PDE7A: variants seen among roughly 807,000 people sequenced by gnomAD.
PDE7A encodes the protein high affinity 3',5'-cyclic-AMP phosphodiesterase 7A.
In PDE7A, 39 loss-of-function variants were observed where a neutral mutation model predicts 64.3. The ratio of observed to expected loss-of-function variants is 0.61; its 90% confidence interval spans 0.47 to 0.79. The LOEUF (loss-of-function observed/expected upper bound fraction) is 0.79. PDE7A is among the 30% of genes least tolerant of loss of function. The probability of loss-of-function intolerance (pLI) is 0.00; values close to 1 mark genes in which losing one functional copy is unlikely to be tolerated. For synonymous variants in PDE7A, 203 were observed against 206.8 expected (o/e 0.98, Z 0.16); for missense variants, 470 against 582.8 (o/e 0.81, Z 1.99).
chr8:65,834,760 G>A (rs981030130), intron 1 of PDE7A, among the ~76,000 whole-genome samples: 1 of 152,176 alleles, frequency 6.6e-6, no homozygotes, highest in African/African-American at 2.4e-5. Context: ...GAGGCATGGA[G>A]CAGTGTTCCA....
intron 3 of PDE7A, among the ~76,000 whole-genome samples, chr8:65,760,566 G>A (rs1016164445): frequency 5.3e-5 from 8 of 152,132 alleles, no homozygotes; most frequent in African/African-American, 9.7e-5. Flanking sequence ...TTCCAGAACT[G>A]TCCTAGAATT....
chr8:65,820,568 T>G (rs1471763691), intron 1 of PDE7A, among the ~76,000 whole-genome samples: 1 of 152,218 alleles, frequency 6.6e-6, no homozygotes, highest in Non-Finnish European at 1.5e-5. Context: ...TAAATTACTT[T>G]GACAATTTTA....
intron 12 of PDE7A, chr8:65,721,796 CAT>C (rs1806387653): frequency 6.8e-6 from 1 of 146,478 alleles, no homozygotes; most frequent in African/African-American, 2.5e-5. Flanking sequence ...CTCTTTTGTC[CAT>C]TTTTTTTTTT....
In PDE7A at chr8:65,724,939, T is replaced by G; in HGVS notation, c.921-18A>C. The G allele has an allele frequency of 2.6e-6, 4 of 1,549,050 alleles. No individual in the cohort carries two copies. The highest frequency in any genetic ancestry group is 3.5e-6 in the Non-Finnish European group (4 of 1,138,660). On this transcript the variant is annotated intron_variant, in intron 9 of 12. Coordinates refer to ENST00000401827, the MANE Select transcript of PDE7A (RefSeq NM_001242318.3). ...TTTGTTGCCTGGAAATAGAGAAATA[T>G]AAAGAGAAAATATAAGACTTTCAAT... is the stretch of plus-strand genomic sequence containing the variant.
At chr8:65,739,468 A>C in intron 6 of PDE7A, 34 bp downstream of exon 6, 1 of 1,519,082 alleles carries the variant, frequency 6.6e-7, no homozygotes, top group South Asian at 1.3e-5. Context: ...ATAAATGTAA[A>C]TCTTGTTACT....
chr8:65,745,316 T>C (rs1223886681), intron 5 of PDE7A, 91 bp downstream of exon 5: 1 of 780,752 alleles, frequency 1.3e-6, no homozygotes, highest in Non-Finnish European at 2.3e-6. Flanking sequence ...ACAACCTTAG[T>C]ACAGTAAATG....
intron 1 of PDE7A, among the ~76,000 whole-genome samples, chr8:65,830,607 A>G (rs2128934329): frequency 6.6e-6 from 1 of 152,200 alleles, no homozygotes; most frequent in South Asian, 2.1e-4. Flanking sequence ...TTCTGACAAA[A>G]TTTTACTTTA....
intron 1 of PDE7A, among the ~76,000 whole-genome samples, chr8:65,803,245 T>C (rs75109457): frequency 0.043 from 6,611 of 152,344 alleles, 226 homozygotes; most frequent in African/African-American, 0.1. Flanking sequence ...TCTGCCTCTC[T>C]ACAGAGCAGA....
chr8:65,735,516 G>A (rs532917566), intron 6 of PDE7A, among the ~76,000 whole-genome samples: 1 of 152,192 alleles, frequency 6.6e-6, no homozygotes, highest in East Asian at 1.9e-4. Flanking sequence ...TTGCCATGTT[G>A]CCCAGGCTGG....
rs183936944 is a variant in PDE7A, at chr8:65,790,409, T to C, written c.139-7566A>G. 1.4e-3 allele frequency among the ~76,000 whole-genome samples: 220 copies of C among 152,228 alleles called. 6 individuals carry two copies. Among genetic ancestry groups the C allele is most frequent in the Admixed American group, 0.014 (217 of 15,290 alleles). On this transcript the variant is annotated intron_variant, in intron 1 of 12. Transcript: ENST00000401827. ...CAGAGGTCCCAGAGAAAGGTGAAGATGGCATGGGCTGACTGAAGAACACTC... is the reference window on the plus strand; with the variant it reads ...CAGAGGTCCCAGAGAAAGGTGAAGACGGCATGGGCTGACTGAAGAACACTC...
intron 3 of PDE7A, among the ~76,000 whole-genome samples, chr8:65,757,786 CTT>C (rs909314506): frequency 1.1e-4 from 17 of 151,942 alleles, no homozygotes; most frequent in Non-Finnish European, 2.4e-4. Flanking sequence ...GCCCGGCTAA[CTT>C]TTGCATTTTT....
intron 2 of PDE7A, chr8:65,781,052 AC>A (rs1809402020): frequency 6.6e-6 from 1 of 152,264 alleles, no homozygotes; most frequent in South Asian, 2.1e-4. Flanking sequence ...GTGTGATGAC[AC>A]AAATAATAAA....
chr8:65,837,807 A>G (rs1260420919), intron 1 of PDE7A, among the ~76,000 whole-genome samples: 1 of 152,228 alleles, frequency 6.6e-6, no homozygotes, highest in African/African-American at 2.4e-5. Context: ...ACTAGGCAGC[A>G]GAGCAGCAGC....
chr8:65,769,077 G>A (rs771257710), intron 3 of PDE7A, among the ~76,000 whole-genome samples: 40 of 151,770 alleles, frequency 2.6e-4, no homozygotes, highest in Admixed American at 4.6e-4. Context: ...GTGAAACCCC[G>A]TCTCTACTAA....
At chr8:65,775,190 T>G (rs573927427) in intron 3 of PDE7A, among the ~76,000 whole-genome samples, 2 of 152,366 alleles carry the variant, frequency 1.3e-5, no homozygotes, top group Non-Finnish European at 2.9e-5. Context: ...AATCTTTAAG[T>G]TAGCTAGCAA....
intron 3 of PDE7A, among the ~76,000 whole-genome samples, chr8:65,767,690 C>T (rs1214358130): frequency 2.6e-5 from 4 of 152,112 alleles, no homozygotes; most frequent in African/African-American, 9.7e-5. Flanking sequence ...TGGGTGCTTC[C>T]ACATAGCTTA....
At chr8:65,794,144 C>T (rs2128926667) in intron 1 of PDE7A, among the ~76,000 whole-genome samples, 1 of 152,292 alleles carries the variant, frequency 6.6e-6, no homozygotes, top group East Asian at 1.9e-4. Context: ...AAAATGCTAT[C>T]ACTCACAACT....
chr8:65,826,418 T>C (rs1259163381), intron 1 of PDE7A, among the ~76,000 whole-genome samples: 2 of 152,212 alleles, frequency 1.3e-5, no homozygotes. Context: ...AACTCTATCT[T>C]TGAAACCAAA....
chr8:65,724,943 G>C, intron 9 of PDE7A, 22 bp from the exon 10 acceptor site: 1 of 1,534,818 alleles, frequency 6.5e-7, no homozygotes, highest in Non-Finnish European at 8.9e-7. Context: ...GAAATATAAA[G>C]AGAAAATATA....
Sources: allele counts gnomAD v4.1 joint callset (sites outside exome capture counted in the v4.1 genomes callset), GRCh38; gene constraint gnomAD v4.1.1; transcripts MANE v1.5; gene names NCBI Gene and HGNC (gene_info 2026-07-23, HGNC 2026-07-21).